PRSS23: variants seen among roughly 807,000 people sequenced by gnomAD.
PRSS23 encodes serine protease 23.
A neutral mutation model predicts 34.7 loss-of-function variants in PRSS23; 25 were observed. That is an observed-to-expected ratio of 0.72 (90% CI 0.53 to 1.01). The LOEUF (loss-of-function observed/expected upper bound fraction) is 1.01, where lower values mean the gene tolerates loss of function less well. PRSS23 is among the 50% of genes least tolerant of loss of function. PRSS23 has a pLI of 0.00. For synonymous variants in PRSS23, 176 were observed against 186.6 expected, an observed-to-expected ratio of 0.94 and a Z score of 0.46; for missense variants, 445 against 475.6, an observed-to-expected ratio of 0.94 and a Z score of 0.60.
rs1479089907 is a variant in PRSS23, at chr11:86,847,012, C to T, written c.206+23419C>T. Among the ~76,000 whole-genome samples the T allele has an allele frequency of 1.7e-4, 26 of 152,192 alleles. 1 individual carries two copies. The highest frequency in any genetic ancestry group is 1.3e-3 in the Admixed American group (20 of 15,268). ...TACAATCTATGGTGCATGGGTACAG[C>T]TCTTAGAGCCATTGAATTGTTGTTT... On this transcript the variant is annotated intron_variant, in intron 2 of 2. Coordinates refer to the PRSS23 transcript ENST00000533902.
chr11:86,882,403 A>G (rs1242135818), intron 2 of PRSS23, among the ~76,000 whole-genome samples: 2 of 151,968 alleles, frequency 1.3e-5, no homozygotes, highest in African/African-American at 4.8e-5. Context: ...GTTCCCCTCT[A>G]TGTGTCCATG....
At chr11:86,806,304 C>T (rs1304413714) in intron 1 of PRSS23, among the ~76,000 whole-genome samples, 2 of 152,182 alleles carry the variant, frequency 1.3e-5, no homozygotes, top group Non-Finnish European at 2.9e-5. Flanking sequence ...CTAAGTATCC[C>T]CTTCTCTCTG....
At chr11:86,826,864 G>A (rs1268935874) in intron 2 of PRSS23, among the ~76,000 whole-genome samples, 1 of 152,214 alleles carries the variant, frequency 6.6e-6, no homozygotes, top group Non-Finnish European at 1.5e-5. Context: ...TGGTGGATAA[G>A]CTTTTTGATG....
At chr11:86,877,288 G>A (rs1027110841) in intron 2 of PRSS23, among the ~76,000 whole-genome samples, 4 of 152,160 alleles carry the variant, frequency 2.6e-5, no homozygotes, top group Non-Finnish European at 4.4e-5. Flanking sequence ...CAAAACTGAT[G>A]GGAAGATTTA....
At chr11:86,898,513 A>G (rs372381205) in intron 2 of PRSS23, among the ~76,000 whole-genome samples, 7 of 152,364 alleles carry the variant, frequency 4.6e-5, no homozygotes, top group African/African-American at 1.7e-4. Context: ...GAATTCCATT[A>G]TGACCATAGC....
chr11:86,839,540 C>G (rs1273666141), intron 2 of PRSS23, among the ~76,000 whole-genome samples: 1 of 152,078 alleles, frequency 6.6e-6, no homozygotes, highest in Non-Finnish European at 1.5e-5. Flanking sequence ...AGGATATTAT[C>G]CAGGAGAACT....
At chr11:86,892,494 G>A (rs1203157718) in intron 2 of PRSS23, 1 of 152,174 alleles carries the variant, frequency 6.6e-6, no homozygotes, top group Non-Finnish European at 1.5e-5. Context: ...ATGCAGCCAA[G>A]TCAGATACAC....
intron 2 of PRSS23, chr11:86,892,382 G>A (rs949428790): frequency 2.6e-5 from 4 of 152,210 alleles, no homozygotes; most frequent in Non-Finnish European, 5.9e-5. Context: ...CCTGTAAGTA[G>A]AAAGTGAAGA....
chr11:86,847,898 T>A (rs1948499673), intron 2 of PRSS23, among the ~76,000 whole-genome samples: 1 of 152,186 alleles, frequency 6.6e-6, no homozygotes, highest in Non-Finnish European at 1.5e-5. Flanking sequence ...CTGCGAGCTT[T>A]GCCCAAATGA....
intron 2 of PRSS23, among the ~76,000 whole-genome samples, chr11:86,826,952 C>A (rs1213628050): frequency 6.6e-6 from 1 of 152,036 alleles, no homozygotes; most frequent in Non-Finnish European, 1.5e-5. Context: ...GTCTAAAATT[C>A]TCTTTTTTGG....
intron 2 of PRSS23, among the ~76,000 whole-genome samples, chr11:86,840,188 G>A (rs1478428284): frequency 6.6e-6 from 1 of 152,122 alleles, no homozygotes; most frequent in Admixed American, 6.5e-5. Context: ...CCATCAGTGT[G>A]CTGTATTCAG....
intron 2 of PRSS23, among the ~76,000 whole-genome samples, chr11:86,866,550 C>T (rs1948650795): frequency 6.6e-6 from 1 of 152,194 alleles, no homozygotes; most frequent in Admixed American, 6.5e-5. Flanking sequence ...ATTCATTGAA[C>T]ACCTTTTATA....
In PRSS23 at chr11:86,808,178, G is replaced by A; in HGVS notation, c.535G>A (p.Asp179Asn). The change falls in exon 2 of 2, where the codon GAT becomes AAT. Residue 179 changes from aspartate (D) to asparagine (N), a missense_variant. Asp to Asn is a conservative substitution (Grantham distance 23). Coordinates refer to ENST00000280258, the MANE Select transcript of PRSS23 (RefSeq NM_007173.6). ...CCTCACAGCTGCCCACTGCATACAC[G>A]ATGGAAAAACCTATGTGAAAGGAAC... ...HVLTAAHCIH[D>N]GKTYVKGTQK... 1.4e-5 allele frequency: 23 copies of A among 1,614,174 alleles called. No individual in the cohort carries two copies. The highest frequency in any genetic ancestry group is 1.9e-5 in the Non-Finnish European group (23 of 1,180,044).
intron 2 of PRSS23, among the ~76,000 whole-genome samples, chr11:86,843,966 A>C (rs1194480461): frequency 6.6e-6 from 1 of 152,204 alleles, no homozygotes; most frequent in African/African-American, 2.4e-5. Context: ...CATGCCCACG[A>C]ATGTTTATTG....
chr11:86,949,489 T>G (rs191314012), intron 2 of PRSS23: 4 of 152,238 alleles, frequency 2.6e-5, no homozygotes, highest in African/African-American at 7.2e-5. Flanking sequence ...TGCAAAGCAG[T>G]TGCTGAAGCA....
chr11:86,878,952 G>T (rs761256948), intron 2 of PRSS23, among the ~76,000 whole-genome samples: 762 of 115,752 alleles, frequency 6.6e-3, no homozygotes, highest in Middle Eastern at 0.011. Context: ...GTCTCTGCCC[G>T]GCCGCCATCC....
At chr11:86,857,910 G>A (rs1948583746) in intron 2 of PRSS23, 2 of 486,086 alleles carry the variant, frequency 4.1e-6, no homozygotes, top group South Asian at 1.7e-5. Context: ...TCGTGACCAG[G>A]TACATGGACA....
chr11:86,933,347 C>T (rs1350171), intron 2 of PRSS23: 118,807 of 151,988 alleles, frequency 0.78, 47,027 homozygotes, highest in Middle Eastern at 0.88. Context: ...TATAAGCCAG[C>T]GTGATTTCAT....
chr11:86,822,042 C>T (rs1948256122), intron 1 of PRSS23, among the ~76,000 whole-genome samples: 1 of 152,226 alleles, frequency 6.6e-6, no homozygotes, highest in African/African-American at 2.4e-5. Flanking sequence ...TAATTTCTTC[C>T]TAGAGAGCTT....
Sources: allele counts gnomAD v4.1 joint callset (sites outside exome capture counted in the v4.1 genomes callset), GRCh38; gene constraint gnomAD v4.1.1; transcripts MANE v1.5; gene names NCBI Gene and HGNC (gene_info 2026-07-23, HGNC 2026-07-21).